Variants in SOX6 observed in about 807,000 individuals in gnomAD.
SOX6 encodes the protein SRY-box transcription factor 6, also known as transcription factor SOX-6.
A neutral mutation model predicts 97.8 loss-of-function variants in SOX6; 11 were observed. That is an observed-to-expected ratio of 0.11 (90% CI 0.07 to 0.19). The LOEUF (loss-of-function observed/expected upper bound fraction) is 0.19. SOX6 is among the 10% of genes least tolerant of loss of function. The probability of loss-of-function intolerance (pLI) is 1.00; values close to 1 mark genes in which losing one functional copy is unlikely to be tolerated. For synonymous variants in SOX6, 360 were observed against 371.4 expected (o/e 0.97, Z 0.35); for missense variants, 810 against 1,039.5 (o/e 0.78, Z 3.04).
At chr11:16,310,941 T>C (rs1252400464) in intron 3 of SOX6, among the ~76,000 whole-genome samples, 4 of 152,042 alleles carry the variant, frequency 2.6e-5, no homozygotes, top group African/African-American at 9.7e-5. Flanking sequence ...GGGCTTTTAA[T>C]AGATTTTTTG....
intron 3 of SOX6, among the ~76,000 whole-genome samples, chr11:16,629,555 A>AT (rs1187996586): frequency 6.6e-6 from 1 of 151,894 alleles, no homozygotes; most frequent in African/African-American, 2.4e-5. Flanking sequence ...TCATTGTTTT[A>AT]TTTTTTCATT....
chr11:16,562,917 G>T (rs1288552482), intron 4 of SOX6, among the ~76,000 whole-genome samples: 1 of 152,034 alleles, frequency 6.6e-6, no homozygotes, highest in Non-Finnish European at 1.5e-5. Context: ...GCAGTAACAA[G>T]GTAGCAGCCT....
At chr11:16,358,715 A>G (rs139703709), upstream of SOX6, among the ~76,000 whole-genome samples, 267 of 152,270 alleles carry the variant, frequency 1.8e-3, no homozygotes, top group South Asian at 5.2e-3. Context: ...AAACAGAATC[A>G]TGGTTTGACC....
At chr11:16,104,294 A>T (rs1564956577) in intron 7 of SOX6, among the ~76,000 whole-genome samples, 1 of 152,014 alleles carries the variant, frequency 6.6e-6, no homozygotes, top group Non-Finnish European at 1.5e-5. Context: ...GACAGAAATG[A>T]GTGGCTTTAC....
chr11:16,269,343 T>C (rs1484842131), intron 3 of SOX6, among the ~76,000 whole-genome samples: 1 of 151,002 alleles, frequency 6.6e-6, no homozygotes, highest in Non-Finnish European at 1.5e-5. Flanking sequence ...CTATTAGGAC[T>C]ATTCTCATAC....
chr11:16,172,567 C>T (rs1237384042), intron 6 of SOX6, among the ~76,000 whole-genome samples: 1 of 152,038 alleles, frequency 6.6e-6, no homozygotes, highest in African/African-American at 2.4e-5. Flanking sequence ...TGGAAACATC[C>T]TCCTAAGAGG....
intron 4 of SOX6, among the ~76,000 whole-genome samples, chr11:16,225,878 T>C (rs906757492): frequency 6.6e-6 from 1 of 152,170 alleles, no homozygotes; most frequent in Non-Finnish European, 1.5e-5. Flanking sequence ...TTTAATTCAG[T>C]ATTTGCACCA....
intron 2 of SOX6, among the ~76,000 whole-genome samples, chr11:16,725,327 C>T (rs1330942394): frequency 2.0e-5 from 3 of 152,038 alleles, no homozygotes; most frequent in South Asian, 2.1e-4. Context: ...AGTTAGACAC[C>T]GGTGTGGACA....
chr11:16,402,167 C>T (rs1217511464), intron 1 of SOX6, among the ~76,000 whole-genome samples: 1 of 151,464 alleles, frequency 6.6e-6, no homozygotes, highest in African/African-American at 2.4e-5. Flanking sequence ...TTTCTATTGC[C>T]TCCTCTGTAT....
chr11:16,716,244 T>C (rs568205193), intron 2 of SOX6, among the ~76,000 whole-genome samples: 19 of 151,696 alleles, frequency 1.3e-4, no homozygotes, highest in African/African-American at 4.4e-4. Context: ...TGAAAAAAAA[T>C]AAATAAAAAG....
rs368327304 is a variant in SOX6 at position 16,678,758 on chromosome 11, C to T, written n.429+36072G>A. Among the ~76,000 whole-genome samples, 11 of 152,296 alleles carry T rather than the reference C, an allele frequency of 7.2e-5. No individual in the cohort carries two copies. The East Asian group carries it at 2.1e-3, about 29-fold the overall frequency. The stretch of plus-strand genomic sequence containing the variant: ...AATACACTTCTGCCCAAATACTGAG[C>T]TTTTCCCACGATCTTAGCAACCAGC... On this transcript the variant is annotated intron_variant and non_coding_transcript_variant, in intron 3 of 5. Transcript: ENST00000524520.
intron 1 of SOX6, among the ~76,000 whole-genome samples, chr11:16,448,757 T>G (rs1859660076): frequency 1.3e-5 from 2 of 152,174 alleles, no homozygotes; most frequent in Non-Finnish European, 2.9e-5. Context: ...ACAGGGCAAG[T>G]ACAGTGGCTT....
rs1859162295 is a variant in SOX6, at chr11:16,427,268, T to A, written c.-5+49047A>T. ...TCCAGCATCCATAAGGAGCTTAAAT[T>A]TACAAGAAAAAACAAACAACCCCAC... On this transcript the variant is annotated intron_variant, in intron 1 of 15. Transcript: ENST00000396356. Among the ~76,000 whole-genome samples the A allele has an allele frequency of 3.3e-5, 5 of 150,864 alleles. No individual in the cohort carries two copies. The South Asian group carries it at 1.0e-3, about 31-fold the overall frequency.
chr11:16,349,468 T>C (rs1049500746), intron 1 of SOX6, among the ~76,000 whole-genome samples: 2 of 151,872 alleles, frequency 1.3e-5, no homozygotes, highest in African/African-American at 4.8e-5. Context: ...ATATGAAAAT[T>C]AGCCACCCAT....
In SOX6 at chr11:16,170,899, T is replaced by C. The variant is rs541455808; in HGVS notation, c.777+12987A>G. 2.6e-5 allele frequency among the ~76,000 whole-genome samples: 4 copies of C among 152,032 alleles called. No homozygotes were observed. The South Asian group carries it at 8.3e-4, about 31-fold the overall frequency. Reference sequence around the variant, plus strand: ...TTCATTTCCCACCTATTTCTCCCCCTACGGAAAAACATGAAGGCTATGGGA... The same window carrying C: ...TTCATTTCCCACCTATTTCTCCCCCCACGGAAAAACATGAAGGCTATGGGA... On this transcript the variant is annotated intron_variant, in intron 6 of 15. Coordinates refer to ENST00000683767, the MANE Select transcript of SOX6 (RefSeq NM_001367873.1).
At chr11:15,997,675 T>A (rs945390288) in intron 13 of SOX6, among the ~76,000 whole-genome samples, 1 of 152,154 alleles carries the variant, frequency 6.6e-6, no homozygotes, top group Admixed American at 6.5e-5. Flanking sequence ...AAAAGGAAAC[T>A]TTCCCAGTCT....
intron 12 of SOX6, among the ~76,000 whole-genome samples, chr11:16,026,851 T>G (rs1855228619): frequency 6.6e-6 from 1 of 152,130 alleles, no homozygotes; most frequent in South Asian, 2.1e-4. Context: ...ATTCTGAAAT[T>G]GAAATTTTTA....
Position 16,521,491 on chromosome 11 carries a change from C to G in SOX6, n.610-45103G>C, listed in dbSNP as rs183071547. On this transcript the variant is annotated intron_variant and non_coding_transcript_variant, in intron 4 of 5. Transcript: ENST00000524520. The stretch of plus-strand genomic sequence containing the variant: ...CAAAAACCCATCTGTACATCACCAT[C>G]ATCAAAGACCAAAAGTAGATAAAAC... Among the ~76,000 whole-genome samples, 247 of 152,244 alleles carry G rather than the reference C, an allele frequency of 1.6e-3. 5 individuals carry two copies. Among genetic ancestry groups the G allele is most frequent in the Admixed American group, 0.015 (226 of 15,290 alleles).
At chr11:16,648,386 C>T (rs1783751968) in intron 3 of SOX6, among the ~76,000 whole-genome samples, 1 of 152,084 alleles carries the variant, frequency 6.6e-6, no homozygotes, top group Admixed American at 6.6e-5. Flanking sequence ...CCTAATCCTG[C>T]CCCCACCTGA....
Sources: allele counts gnomAD v4.1 joint callset (sites outside exome capture counted in the v4.1 genomes callset), GRCh38; gene constraint gnomAD v4.1.1; transcripts MANE v1.5; gene names NCBI Gene and HGNC (gene_info 2026-07-23, HGNC 2026-07-21).